TMEM164: variants seen among roughly 807,000 people sequenced by gnomAD.
TMEM164 encodes transmembrane protein 164, also known as RP13-360B22.2.
A neutral mutation model predicts 18.8 loss-of-function variants in TMEM164; 4 were observed. The ratio of observed to expected loss-of-function variants is 0.21; its 90% CI spans 0.10 to 0.49. TMEM164 has a LOEUF of 0.49. TMEM164 is among the 20% of genes least tolerant of loss of function. The pLI is 0.98. For missense variants in TMEM164, 108 were observed against 239.9 expected (o/e 0.45, Z 3.63); for synonymous variants, 86 against 101.7 (o/e 0.85, Z 0.93).
intron 4 of TMEM164, among the ~76,000 whole-genome samples, chrX:110,118,061 C>T (rs577162841): frequency 1.2e-3 from 130 of 111,885 alleles, no homozygotes; most frequent in Non-Finnish European, 2.2e-3. Context: ...CACAGGCATG[C>T]GCCACCACGC....
rs1197458026 is a variant in TMEM164 at position 110,171,376 on chromosome X, G to A, written c.587-44G>A. On this transcript the variant is annotated intron_variant, in intron 5 of 6. Coordinates refer to ENST00000372068, the MANE Select transcript of TMEM164 (RefSeq NM_032227.4). The stretch of plus-strand genomic sequence containing the variant: ...CACCCTCATGGTACAAAGGTGAAGT[G>A]GGTCACTATTCCTGCCATCTCACCA... 4 of 981,864 alleles carry A rather than the reference G, an allele frequency of 4.1e-6. No homozygotes were observed. The Admixed American group carries it at 9.5e-5, about 23-fold the overall frequency. 80.9% of individuals were successfully genotyped at this position (981,864 alleles called of 1,213,427 possible).
chrX:110,106,707 AT>A (rs200483579), intron 3 of TMEM164, among the ~76,000 whole-genome samples: 3 of 109,810 alleles, frequency 2.7e-5, no homozygotes, highest in Non-Finnish European at 3.8e-5. Flanking sequence ...TGTTGATGTG[AT>A]TTTTTTTTCC....
At chrX:110,031,000 C>T (rs1320666027) in intron 2 of TMEM164, among the ~76,000 whole-genome samples, 4 of 110,498 alleles carry the variant, frequency 3.6e-5, no homozygotes, top group Non-Finnish European at 5.7e-5. Context: ...TGGTTTGCTG[C>T]ACCCATCAAC....
At position 110,121,323 on chromosome X, in the gene TMEM164, G is replaced by T. The variant is rs182602393; in HGVS notation, c.507+12177G>T. On this transcript the variant is annotated intron_variant, in intron 4 of 6. Coordinates refer to ENST00000372068, the MANE Select transcript of TMEM164 (RefSeq NM_032227.4). The stretch of plus-strand genomic sequence containing the variant: ...TAGAACACTTTCATCACCCCGAAAA[G>T]AAATTGCATAAACATTAGCATCATC... Among the ~76,000 whole-genome samples the T allele has an allele frequency of 2.4e-3, 274 of 112,367 alleles. 1 individual carries two copies. The highest frequency in any genetic ancestry group is 4.6e-3 in the Middle Eastern group (1 of 218).
intron 2 of TMEM164, among the ~76,000 whole-genome samples, chrX:110,030,874 ATGATACATTG>A (rs1934469327): frequency 9.0e-6 from 1 of 110,833 alleles, no homozygotes; most frequent in Non-Finnish European, 1.9e-5. Context: ...AGGAACTATT[ATGATACATTG>A]TGTCTTATAA....
chrX:110,048,241 T>C (rs1935398441), intron 2 of TMEM164, among the ~76,000 whole-genome samples: 1 of 111,960 alleles, frequency 8.9e-6, no homozygotes, highest in Non-Finnish European at 1.9e-5. Context: ...GCTATGCTCT[T>C]CCCTCTGCCT....
intron 4 of TMEM164, among the ~76,000 whole-genome samples, chrX:110,134,659 A>C (rs757418447): frequency 7.6e-5 from 8 of 105,901 alleles, no homozygotes; most frequent in African/African-American, 2.8e-4. Flanking sequence ...ATTAGATGGA[A>C]TAGCATGTGC....
At chrX:110,002,858 GGGGGCCGGCTTTAGTCCA>G (rs1363444379), upstream of TMEM164, 11 of 111,268 alleles carry the variant, frequency 9.9e-5, no homozygotes, top group East Asian at 8.7e-4. Context: ...GAGGAGGGAG[GGGGGCCGGCTTTAGTCCA>G]GGGGCCGGCT....
chrX:110,130,297 G>A (rs2066594827), intron 4 of TMEM164, among the ~76,000 whole-genome samples: 1 of 111,774 alleles, frequency 8.9e-6, no homozygotes, highest in African/African-American at 3.3e-5. Context: ...AGTATAAGTC[G>A]GTGATTAAGA....
chrX:110,080,987 C>T (rs777791122), intron 3 of TMEM164, among the ~76,000 whole-genome samples: 16 of 104,630 alleles, frequency 1.5e-4, no homozygotes, highest in Non-Finnish European at 1.9e-4. Flanking sequence ...GCTCCTGCCT[C>T]GGCCTCCTAA....
In TMEM164 at chrX:110,071,460, C is replaced by T. The variant is rs960132203; in HGVS notation, c.440+4064C>T. ...TACTCTTACATTATTGAAATACACC[C>T]GCTGATCATAGTATATTATTATTTT... On this transcript the variant is annotated intron_variant, in intron 3 of 6. Transcript: ENST00000372068. 8.2e-5 allele frequency among the ~76,000 whole-genome samples: 9 copies of T among 109,921 alleles called. No individual in the cohort carries two copies. The East Asian group carries it at 2.3e-3, about 28-fold the overall frequency.
intron 3 of TMEM164, among the ~76,000 whole-genome samples, chrX:110,106,360 C>A (rs762502142): frequency 9.2e-6 from 1 of 108,337 alleles, no homozygotes; most frequent in East Asian, 2.8e-4. Context: ...CAAAGCCTGG[C>A]ACCAGAATCC....
chrX:110,082,517 T>A (rs1456233647), intron 3 of TMEM164, among the ~76,000 whole-genome samples: 1 of 111,832 alleles, frequency 8.9e-6, no homozygotes, highest in Non-Finnish European at 1.9e-5. Context: ...AAAACCAACA[T>A]ATCCTTAGGG....
intron 2 of TMEM164, among the ~76,000 whole-genome samples, chrX:110,032,404 A>T (rs1934556829): frequency 9.0e-6 from 1 of 111,703 alleles, no homozygotes; most frequent in Non-Finnish European, 1.9e-5. Context: ...TTGCACAAGG[A>T]ACTGACACAA....
intron 3 of TMEM164, among the ~76,000 whole-genome samples, chrX:110,090,123 G>GA (rs1184364237): frequency 4.6e-5 from 5 of 107,748 alleles, no homozygotes; most frequent in East Asian, 2.9e-4. Context: ...ATTTCACAGG[G>GA]AAAAAAAAAA....
Position 110,044,141 on chromosome X carries a change from G to A in TMEM164, c.391-23206G>A, listed in dbSNP as rs760561293. ...TATAACTTACCTGAAACCATAAGAC[G>A]AAAATCCATGAGCACTGGGAAGAGT... On this transcript the variant is annotated intron_variant, in intron 2 of 6. Transcript: ENST00000372068. Among the ~76,000 whole-genome samples the A allele has an allele frequency of 1.3e-4, 15 of 112,350 alleles. No individual in the cohort carries two copies. In the South Asian group the frequency reaches 1.8e-3, roughly 14 times the overall value.
At chrX:110,082,294 T>G (rs1239936977) in intron 3 of TMEM164, 1 of 113,933 alleles carries the variant, frequency 8.8e-6, no homozygotes, top group African/African-American at 3.2e-5. Flanking sequence ...CTTCCTGTTC[T>G]TGGCTCCTCT....
chrX:110,128,482 G>A (rs931779848), intron 4 of TMEM164, among the ~76,000 whole-genome samples: 4 of 111,903 alleles, frequency 3.6e-5, no homozygotes, highest in Non-Finnish European at 7.5e-5. Context: ...TTTGTTTGGT[G>A]TTCTGCAATT....
At chrX:110,183,566 C>CATTTGTTA (rs1282739369), downstream of TMEM164, among the ~76,000 whole-genome samples, 1 of 111,905 alleles carries the variant, frequency 8.9e-6, no homozygotes, top group Non-Finnish European at 1.9e-5. Context: ...CCTGGCAGCA[C>CATTTGTTA]ATTTGTTAGA....
Sources: allele counts gnomAD v4.1 joint callset (sites outside exome capture counted in the v4.1 genomes callset), GRCh38; gene constraint gnomAD v4.1.1; transcripts MANE v1.5; gene names NCBI Gene and HGNC (gene_info 2026-07-23, HGNC 2026-07-21).